CPXM2: variants seen among roughly 807,000 people sequenced by gnomAD.
CPXM2 encodes the protein inactive carboxypeptidase-like protein X2.
Under a neutral mutation model 86.1 loss-of-function variants are expected in CPXM2, and 66 were observed. The observed-to-expected ratio is 0.77, with a 90% confidence interval of 0.63 to 0.94. The LOEUF is 0.94. Among genes scored for constraint, CPXM2 ranks in the 40% least tolerant of loss-of-function variants. The pLI, the probability that CPXM2 is intolerant of heterozygous loss-of-function variation, is 0.00. For missense variants in CPXM2, 948 were observed against 1,026.3 expected (o/e 0.92, Z 1.04); for synonymous variants, 388 against 400.2 (o/e 0.97, Z 0.36).
intron 10 of CPXM2, among the ~76,000 whole-genome samples, chr10:123,763,022 C>G (rs1352480817): frequency 6.6e-6 from 1 of 152,060 alleles, no homozygotes; most frequent in Non-Finnish European, 1.5e-5. Context: ...CACTGTTGGT[C>G]TGTGCTTGGT....
At chr10:123,892,777 T>G (rs1488498496), upstream of CPXM2, among the ~76,000 whole-genome samples, 1 of 152,196 alleles carries the variant, frequency 6.6e-6, no homozygotes, top group East Asian at 1.9e-4. Context: ...TTCAGCTCCT[T>G]GCGGTAGTAG....
At chr10:123,811,348 TC>T (rs1564780911) in intron 4 of CPXM2, among the ~76,000 whole-genome samples, 1 of 152,160 alleles carries the variant, frequency 6.6e-6, no homozygotes, top group Non-Finnish European at 1.5e-5. Flanking sequence ...GCTTCCTGTG[TC>T]CAAGTGTTCT....
At chr10:123,905,267 GA>G (rs1043169791) in intron 2 of CPXM2, among the ~76,000 whole-genome samples, 1 of 152,244 alleles carries the variant, frequency 6.6e-6, no homozygotes, top group Non-Finnish European at 1.5e-5. Context: ...AGTGCTTCCA[GA>G]ATGAAAGGCC....
At chr10:123,892,303 A>C (rs2134252488), upstream of CPXM2, among the ~76,000 whole-genome samples, 1 of 152,184 alleles carries the variant, frequency 6.6e-6, no homozygotes, top group South Asian at 2.1e-4. Context: ...GTTCCCTGGG[A>C]GCAGGGCCTA....
chr10:123,817,368 C>A (rs1847834751), intron 4 of CPXM2, among the ~76,000 whole-genome samples: 1 of 152,132 alleles, frequency 6.6e-6, no homozygotes, highest in Non-Finnish European at 1.5e-5. Flanking sequence ...TAAATCACAG[C>A]AGAGGCCTCT....
At chr10:123,801,809 G>A (rs1450126117) in intron 4 of CPXM2, among the ~76,000 whole-genome samples, 1 of 152,056 alleles carries the variant, frequency 6.6e-6, no homozygotes, top group African/African-American at 2.4e-5. Context: ...CAGGGCCTTT[G>A]CACATACTGC....
chr10:123,765,603 G>C (rs1033396943), intron 10 of CPXM2, among the ~76,000 whole-genome samples: 1 of 152,176 alleles, frequency 6.6e-6, no homozygotes, highest in Non-Finnish European at 1.5e-5. Context: ...AACTAAAACA[G>C]GTTCTGTGGG....
chr10:123,923,318 C>T (rs1055933633), intron 2 of CPXM2, among the ~76,000 whole-genome samples: 25 of 152,106 alleles, frequency 1.6e-4, no homozygotes, highest in African/African-American at 4.3e-4. Context: ...CGGTGGCTCA[C>T]GCCTGTAATC....
chr10:123,939,148 C>G (rs1169552212), intron 2 of CPXM2, among the ~76,000 whole-genome samples: 1 of 152,174 alleles, frequency 6.6e-6, no homozygotes, highest in Non-Finnish European at 1.5e-5. Context: ...CCCTCAGACC[C>G]ACAGAGCCGT....
Position 123,865,128 on chromosome 10 carries a change from G to C in CPXM2, c.404-2405C>G, listed in dbSNP as rs1365968088. Among the ~76,000 whole-genome samples, 4 of 152,228 alleles carry C rather than the reference G, an allele frequency of 2.6e-5. No individual in the cohort carries two copies. In the East Asian group the frequency reaches 7.7e-4, roughly 29 times the overall value. On this transcript the variant is annotated intron_variant, in intron 2 of 13. Coordinates refer to ENST00000241305, the MANE Select transcript of CPXM2 (RefSeq NM_198148.3). This position sits in a 1 kb window ranked among gnomAD's most constrained non-coding sequence, Gnocchi z 4.7. ...CACCCACAGCACAGATGATGACTTTGGTGGGGGAGCCCAGATAAACACACA... is the reference window on the plus strand; with the variant it reads ...CACCCACAGCACAGATGATGACTTTCGTGGGGGAGCCCAGATAAACACACA...
intron 3 of CPXM2, among the ~76,000 whole-genome samples, chr10:123,844,401 A>G (rs970088561): frequency 9.2e-5 from 14 of 152,186 alleles, no homozygotes; most frequent in Non-Finnish European, 1.5e-5. Context: ...AAAAACTGAG[A>G]ATTAATGTAA....
chr10:123,876,761 C>T (rs546822451), intron 2 of CPXM2, among the ~76,000 whole-genome samples: 15 of 152,272 alleles, frequency 9.9e-5, no homozygotes, highest in Non-Finnish European at 2.2e-4. Context: ...CAAAAGACCC[C>T]AAGACGGTAA....
chr10:123,874,896 T>C (rs987521756), intron 2 of CPXM2, among the ~76,000 whole-genome samples: 2 of 152,250 alleles, frequency 1.3e-5, no homozygotes, highest in South Asian at 4.1e-4. Flanking sequence ...ATGCCACCTA[T>C]GGGTGCTACC....
chr10:123,758,431 G>T (rs1846264081), intron 11 of CPXM2, among the ~76,000 whole-genome samples: 1 of 152,016 alleles, frequency 6.6e-6, no homozygotes, highest in Non-Finnish European at 1.5e-5. Flanking sequence ...CTTCATACGG[G>T]CTTCTCTTCT....
intron 4 of CPXM2, among the ~76,000 whole-genome samples, chr10:123,818,366 G>C (rs183949358): frequency 5.3e-5 from 8 of 152,108 alleles, no homozygotes; most frequent in Non-Finnish European, 2.9e-5. Context: ...TACCCAATTT[G>C]CCAGCAGCAG....
At position 123,878,354 on chromosome 10, in the gene CPXM2, C is replaced by T. The variant is rs76812787; in HGVS notation, c.403+1857G>A. ...AAAGAAGTTTCACAGGCTAAAATCA[C>T]GTATAGGGCATTCAATGAACCAGAG... is the stretch of plus-strand genomic sequence containing the variant. On this transcript the variant is annotated intron_variant, in intron 2 of 13. Transcript: ENST00000241305. Among the ~76,000 whole-genome samples, 398 of 130,264 alleles carry T rather than the reference C, an allele frequency of 3.1e-3. 4 individuals are homozygous for T. The highest frequency in any genetic ancestry group is 9.8e-3 in the African/African-American group (333 of 33,942). 85.5% of individuals were successfully genotyped at this position (130,264 alleles called of 152,430 possible). A position where few individuals can be genotyped will look rare whatever the true frequency, so the allele number is the denominator to read the frequency against.
intron 4 of CPXM2, among the ~76,000 whole-genome samples, chr10:123,836,077 C>G (rs1000832297): frequency 1.3e-5 from 2 of 152,100 alleles, no homozygotes; most frequent in African/African-American, 4.8e-5. Context: ...CTTCAGCTGC[C>G]TCCTCATCTC....
At chr10:123,861,021 A>G (rs926484108) in intron 3 of CPXM2, among the ~76,000 whole-genome samples, 2 of 152,184 alleles carry the variant, frequency 1.3e-5, no homozygotes, top group African/African-American at 4.8e-5. Flanking sequence ...GAGAAAGAGC[A>G]AAGCTTGGAG....
chr10:123,814,649 G>A (rs2134099268), intron 4 of CPXM2, among the ~76,000 whole-genome samples: 1 of 152,264 alleles, frequency 6.6e-6, no homozygotes, highest in South Asian at 2.1e-4. Flanking sequence ...TGCTTAATAT[G>A]ATTAGACCCA....
Sources: gnomAD v4.1 joint callset for allele counts (sites outside exome capture counted in the v4.1 genomes callset) on GRCh38, gnomAD v4.1.1 for gene constraint, Gnocchi (gnomAD v3.1) non-coding constraint, MANE v1.5 for transcripts, NCBI Gene and HGNC (gene_info 2026-07-23, HGNC 2026-07-21) for gene names.